Variants in KIF26B observed in about 807,000 individuals in gnomAD.
KIF26B encodes the protein kinesin family member 26B.
In KIF26B, 63 loss-of-function variants were observed where a neutral mutation model predicts 151.2. That is an observed-to-expected ratio of 0.42 (90% CI 0.34 to 0.51). The LOEUF (loss-of-function observed/expected upper bound fraction) is 0.51, where lower values mean the gene tolerates loss of function less well. Ranked by LOEUF, KIF26B falls within the 20% of genes least tolerant of loss-of-function variation. KIF26B has a pLI of 0.07. For synonymous variants in KIF26B, 1,357 were observed against 1,262.1 expected, an observed-to-expected ratio of 1.08 and a Z score of -1.59; for missense variants, 2,813 against 2,913.6, an observed-to-expected ratio of 0.97 and a Z score of 0.79.
In KIF26B at chr1:245,162,804, C is replaced by G. The variant is rs940000003; in HGVS notation, c.465+6121C>G. Among the ~76,000 whole-genome samples the G allele has an allele frequency of 4.6e-5, 7 of 152,330 alleles. No individual in the cohort carries two copies. The East Asian group carries it at 1.4e-3, about 29-fold the overall frequency. ...CATTGGCTTACCATTGCCTTTGGAA[C>G]TGCTCCAGAGCCTATCTGAGAAAAT... On this transcript the variant is annotated intron_variant, in intron 2 of 14. Transcript: ENST00000407071.
intron 9 of KIF26B, among the ~76,000 whole-genome samples, chr1:245,642,319 T>C (rs1368725403): frequency 6.6e-6 from 1 of 152,078 alleles, no homozygotes; most frequent in Non-Finnish European, 1.5e-5. Flanking sequence ...GAGACAGGCA[T>C]GTGTTACTCA....
intron 4 of KIF26B, among the ~76,000 whole-genome samples, chr1:245,475,003 G>A (rs184707818): frequency 6.6e-6 from 1 of 151,894 alleles, no homozygotes; most frequent in East Asian, 1.9e-4. Flanking sequence ...AAAAATTGGG[G>A]GTATGAAAGG....
At chr1:245,400,541 C>A (rs1002633177) in intron 3 of KIF26B, among the ~76,000 whole-genome samples, 61 of 150,252 alleles carry the variant, frequency 4.1e-4, no homozygotes, top group African/African-American at 1.4e-3. Flanking sequence ...TTCTCTACAC[C>A]CCTGCTATCC....
intron 3 of KIF26B, among the ~76,000 whole-genome samples, chr1:245,405,338 C>T (rs762090043): frequency 6.6e-6 from 1 of 152,188 alleles, no homozygotes; most frequent in Non-Finnish European, 1.5e-5. Context: ...TTTGCCTACC[C>T]GTGTGCAGGT....
chr1:245,385,037 T>C (rs1673509043), intron 3 of KIF26B, among the ~76,000 whole-genome samples: 1 of 152,156 alleles, frequency 6.6e-6, no homozygotes. Flanking sequence ...TTCATACTTT[T>C]CCCCCTCACC....
At chr1:245,359,874 C>CTTTCTT (rs992624473) in intron 2 of KIF26B, among the ~76,000 whole-genome samples, 1 of 139,608 alleles carries the variant, frequency 7.2e-6, no homozygotes, top group African/African-American at 2.8e-5. Context: ...TTCTTTCTTT[C>CTTTCTT]TTTTTTTTTT....
rs535496822 is a variant in KIF26B at position 245,414,745 on chromosome 1, G to A, written c.1000-4834G>A. On this transcript the variant is annotated intron_variant, in intron 3 of 14. Coordinates refer to ENST00000407071, the MANE Select transcript of KIF26B (RefSeq NM_018012.4). Reference sequence around the variant, plus strand: ...TATTTCTACACACACACAGACACACGCTCTTATTTTAGAGAAGGGACAGAA... The same window carrying A: ...TATTTCTACACACACACAGACACACACTCTTATTTTAGAGAAGGGACAGAA... Among the ~76,000 whole-genome samples the A allele has an allele frequency of 1.6e-4, 25 of 152,266 alleles. No individual in the cohort carries two copies. The South Asian group carries it at 4.3e-3, about 26-fold the overall frequency.
At chr1:245,380,980 G>C (rs1673396367) in intron 3 of KIF26B, among the ~76,000 whole-genome samples, 1 of 148,264 alleles carries the variant, frequency 6.7e-6, no homozygotes, top group Non-Finnish European at 1.5e-5. Flanking sequence ...AAAAAAGGCT[G>C]TGTGGGCAAT....
At chr1:245,295,525 C>T (rs886785286) in intron 2 of KIF26B, among the ~76,000 whole-genome samples, 11 of 152,150 alleles carry the variant, frequency 7.2e-5, no homozygotes, top group African/African-American at 2.7e-4. Context: ...ATAATCCCTG[C>T]CTCTCAAGGT....
intron 2 of KIF26B, chr1:245,353,598 G>A (rs1194173410): frequency 6.6e-6 from 1 of 152,576 alleles, no homozygotes; most frequent in African/African-American, 2.4e-5. Flanking sequence ...TGACTTCGTG[G>A]GTGTGTAATA....
chr1:245,461,194 T>C (rs189070157), intron 4 of KIF26B, among the ~76,000 whole-genome samples: 44 of 152,256 alleles, frequency 2.9e-4, no homozygotes, highest in African/African-American at 1.0e-3. Flanking sequence ...CAAAACAACA[T>C]GTGGGGACTC....
At chr1:245,325,860 G>A (rs146278810) in intron 2 of KIF26B, among the ~76,000 whole-genome samples, 45 of 152,288 alleles carry the variant, frequency 3.0e-4, no homozygotes, top group African/African-American at 4.8e-5. Flanking sequence ...TGTTTGTGAC[G>A]TAGGTTTTCT....
At chr1:245,511,239 C>T (rs1660830312) in intron 4 of KIF26B, 1 of 669,782 alleles carries the variant, frequency 1.5e-6, no homozygotes, top group African/African-American at 1.8e-5. Context: ...AAATAAAATG[C>T]ATAAACCATT....
At chr1:245,612,451 C>T (rs901341481) in intron 9 of KIF26B, among the ~76,000 whole-genome samples, 3 of 152,060 alleles carry the variant, frequency 2.0e-5, no homozygotes, top group Non-Finnish European at 2.9e-5. Flanking sequence ...TTCAGTGACT[C>T]GTAATTCAAG....
Position 245,593,161 on chromosome 1 carries a change from C to A in KIF26B, c.1351-9416C>A, listed in dbSNP as rs538761345. 1.8e-3 allele frequency among the ~76,000 whole-genome samples: 277 copies of A among 152,182 alleles called. 2 individuals carry two copies. The Middle Eastern group carries it at 0.02, about 11-fold the overall frequency. On this transcript the variant is annotated intron_variant, in intron 5 of 14. Coordinates refer to ENST00000407071, the MANE Select transcript of KIF26B (RefSeq NM_018012.4). ...ATTCAAATCTTTTCCTTTTATAAAA[C>A]CTGGGTTTGTTTTTTGTTTTTTAAT...
chr1:245,365,332 C>A (rs1672919842), intron 2 of KIF26B, among the ~76,000 whole-genome samples: 1 of 152,196 alleles, frequency 6.6e-6, no homozygotes, highest in East Asian at 1.9e-4. Context: ...TGAGCCACCC[C>A]TTGCTGCTGC....
chr1:245,270,272 CCTTTCCTTCTTT>C, intron 2 of KIF26B, among the ~76,000 whole-genome samples: 1 of 89,492 alleles, frequency 1.1e-5, no homozygotes, highest in Non-Finnish European at 2.3e-5. Flanking sequence ...CCTTTCCCTT[CCTTTCCTTCTTT>C]CCTTCCCTTC....
intron 5 of KIF26B, among the ~76,000 whole-genome samples, chr1:245,555,600 G>A (rs566384974): frequency 6.6e-6 from 1 of 152,288 alleles, no homozygotes; most frequent in African/African-American, 2.4e-5. Flanking sequence ...ATCTGCCTGT[G>A]TGGAAGACGC....
At chr1:245,225,639 G>A (rs527697188) in intron 2 of KIF26B, among the ~76,000 whole-genome samples, 9 of 152,302 alleles carry the variant, frequency 5.9e-5, no homozygotes, top group African/African-American at 1.7e-4. Context: ...CGTCTTCCAA[G>A]TCCTGTGCAG....
Sources: allele counts gnomAD v4.1 joint callset (sites outside exome capture counted in the v4.1 genomes callset), GRCh38; gene constraint gnomAD v4.1.1; transcripts MANE v1.5; gene names NCBI Gene and HGNC (gene_info 2026-07-23, HGNC 2026-07-21).